The following RPS6KC1 variants were observed in gnomAD, a reference collection of about 807,000 sequenced individuals.
RPS6KC1 encodes the protein inactive ribosomal protein S6 kinase delta-1.
A neutral mutation model predicts 103.8 loss-of-function variants in RPS6KC1; 54 were observed. That is an observed-to-expected ratio of 0.52 (90% CI 0.42 to 0.65). The LOEUF is 0.65. RPS6KC1 is among the 30% of genes least tolerant of loss of function. The pLI, the probability that RPS6KC1 is intolerant of heterozygous loss-of-function variation, is 0.00. For synonymous variants in RPS6KC1, 439 were observed against 438.7 expected (o/e 1.00, Z -0.01); for missense variants, 1,151 against 1,253.8 (o/e 0.92, Z 1.24).
the RPS6KC1 span, among the ~76,000 whole-genome samples, chr1:213,833,290 G>A: frequency 6.6e-6 from 1 of 152,226 alleles, no homozygotes; most frequent in Non-Finnish European, 1.5e-5. Flanking sequence ...CTGTGGGCCA[G>A]GATCAGAAGG....
At chr1:213,858,274 A>T in the RPS6KC1 span, among the ~76,000 whole-genome samples, 3 of 152,214 alleles carry the variant, frequency 2.0e-5, no homozygotes. Flanking sequence ...GAGGAAACCA[A>T]AGCTCAAAGA....
chr1:213,120,771 T>A (rs577382514), intron 5 of RPS6KC1, among the ~76,000 whole-genome samples: 1 of 152,236 alleles, frequency 6.6e-6, no homozygotes, highest in South Asian at 2.1e-4. Context: ...AATCTTAATA[T>A]ATAGTCTGCT....
At chr1:213,846,121 T>C in the RPS6KC1 span, among the ~76,000 whole-genome samples, 5 of 136,412 alleles carry the variant, frequency 3.7e-5, no homozygotes, top group African/African-American at 2.8e-5. Flanking sequence ...TGAAACCCCG[T>C]CTCAACTAAA....
chr1:213,729,554 G>A, the RPS6KC1 span, among the ~76,000 whole-genome samples: 2 of 152,120 alleles, frequency 1.3e-5, no homozygotes, highest in East Asian at 1.9e-4. Flanking sequence ...GGATCGGGGG[G>A]AGGGAAAGAC....
the RPS6KC1 span, among the ~76,000 whole-genome samples, chr1:213,419,189 T>G: frequency 6.6e-6 from 1 of 152,216 alleles, no homozygotes; most frequent in Admixed American, 6.5e-5. Flanking sequence ...GTGCTGTTCT[T>G]CACCTCTGAT....
At chr1:213,655,479 C>T in the RPS6KC1 span, among the ~76,000 whole-genome samples, 2 of 152,164 alleles carry the variant, frequency 1.3e-5, no homozygotes, top group African/African-American at 4.8e-5. Flanking sequence ...ATTTGAAGGC[C>T]TCTCCTTCAT....
intron 12 of RPS6KC1, among the ~76,000 whole-genome samples, chr1:213,261,141 A>AT (rs34846299): frequency 0.45 from 68,597 of 152,014 alleles, 19,253 homozygotes; most frequent in Non-Finnish European, 0.62. Flanking sequence ...TAAAAGGATG[A>AT]TTAATATTGG....
the RPS6KC1 span, among the ~76,000 whole-genome samples, chr1:213,507,027 G>A: frequency 6.6e-6 from 1 of 152,154 alleles, no homozygotes; most frequent in Non-Finnish European, 1.5e-5. Flanking sequence ...AGGAGAGAGT[G>A]TTCTGAATGA....
chr1:213,158,724 G>A (rs1401269082), intron 6 of RPS6KC1, among the ~76,000 whole-genome samples: 80 of 152,202 alleles, frequency 5.3e-4, no homozygotes, highest in Admixed American at 5.0e-3. Flanking sequence ...TTTCCTGAGA[G>A]TTGTTTATTA....
At chr1:213,694,129 C>G in the RPS6KC1 span, among the ~76,000 whole-genome samples, 9 of 152,228 alleles carry the variant, frequency 5.9e-5, no homozygotes, top group Non-Finnish European at 1.0e-4. Flanking sequence ...AGGCTGGGAT[C>G]GGGATTATAG....
downstream of RPS6KC1, among the ~76,000 whole-genome samples, chr1:213,278,929 C>T (rs1028247861): frequency 7.3e-5 from 11 of 151,174 alleles, no homozygotes; most frequent in South Asian, 2.1e-4. Flanking sequence ...GGAAAGTTCT[C>T]GGGGGGACAA....
At chr1:213,233,571 T>C (rs2094152313) in intron 10 of RPS6KC1, among the ~76,000 whole-genome samples, 1 of 152,210 alleles carries the variant, frequency 6.6e-6, no homozygotes, top group Admixed American at 6.5e-5. Flanking sequence ...AGTCTTAACT[T>C]ACCTGTTATT....
rs1572191661 is a variant in RPS6KC1, at chr1:213,051,284, C to T, written c.-121C>T. On this transcript the variant is annotated 5_prime_UTR_variant, in exon 1 of 15. Transcript: ENST00000366960. ...TGCAGCTGAGGCGCCGCCGTGGAGC[C>T]GCCTTGGAGCCACCGCCCCCTCGCC... 6 of 674,320 alleles carry T rather than the reference C, an allele frequency of 8.9e-6. No homozygotes were observed. 41.8% of individuals were successfully genotyped at this position (674,320 alleles called of 1,614,324 possible).
intron 6 of RPS6KC1, among the ~76,000 whole-genome samples, chr1:213,150,886 G>C (rs1242086638): frequency 6.6e-6 from 1 of 152,086 alleles, no homozygotes; most frequent in Non-Finnish European, 1.5e-5. Context: ...CCCAGTAGGG[G>C]TGGCCGGGCA....
chr1:213,843,133 T>C, the RPS6KC1 span, among the ~76,000 whole-genome samples: 16 of 152,224 alleles, frequency 1.1e-4, no homozygotes, highest in African/African-American at 3.6e-4. Context: ...TTGCATTTTC[T>C]TCTGGAAACC....
chr1:213,715,161 A>G, the RPS6KC1 span, among the ~76,000 whole-genome samples: 1 of 152,208 alleles, frequency 6.6e-6, no homozygotes, highest in East Asian at 1.9e-4. Context: ...GGCATGGACA[A>G]TTGTAAAGAA....
chr1:213,649,599 G>A, the RPS6KC1 span, among the ~76,000 whole-genome samples: 25 of 145,582 alleles, frequency 1.7e-4, no homozygotes, highest in African/African-American at 4.3e-4. Context: ...TCCCTCCCCC[G>A]CCCACCAGGT....
At chr1:213,447,000 A>G in the RPS6KC1 span, among the ~76,000 whole-genome samples, 2 of 152,194 alleles carry the variant, frequency 1.3e-5, no homozygotes, top group African/African-American at 4.8e-5. Context: ...CAAGAAATGA[A>G]TGCATAAGTG....
chr1:213,816,791 G>A, the RPS6KC1 span, among the ~76,000 whole-genome samples: 3 of 152,102 alleles, frequency 2.0e-5, no homozygotes, highest in African/African-American at 7.2e-5. Context: ...TGCCTCCCAA[G>A]CCTTATCTCC....
Sources: allele counts gnomAD v4.1 joint callset (sites outside exome capture counted in the v4.1 genomes callset), GRCh38; gene constraint gnomAD v4.1.1; transcripts MANE v1.5; gene names NCBI Gene and HGNC (gene_info 2026-07-23, HGNC 2026-07-21).